Variants in PCDH15 observed in about 807,000 individuals in gnomAD.
The protein encoded by PCDH15 is protocadherin-15.
Under a neutral mutation model 178.5 loss-of-function variants are expected in PCDH15, and 129 were observed. The ratio of observed to expected loss-of-function variants is 0.72; its 90% CI spans 0.63 to 0.84. PCDH15 has a LOEUF of 0.84. Ranked by LOEUF, PCDH15 falls within the 40% of genes least tolerant of loss-of-function variation. The probability of loss-of-function intolerance (pLI) is 0.00; values close to 1 mark genes in which losing one functional copy is unlikely to be tolerated. For missense variants in PCDH15, 2,230 were observed against 2,099.9 expected (o/e 1.06, Z -1.21); for synonymous variants, 800 against 732.0 (o/e 1.09, Z -1.50).
chr10:54,103,811 C>A (rs2094857726), intron 15 of PCDH15, among the ~76,000 whole-genome samples: 1 of 152,126 alleles, frequency 6.6e-6, no homozygotes, highest in South Asian at 2.1e-4. Context: ...TTGGTGGGCC[C>A]AGATCAATAA....
chr10:54,669,833 ACT>A lies in PCDH15; in HGVS notation c.-28-5545_-28-5544del, dbSNP rs2094629899. On this transcript the variant is annotated intron_variant, in intron 1 of 37. Transcript: ENST00000644397. ...TTTGGGAGGTTGGGGAGCATAGATAACTCGAGATCAGGAGTTCCAGACCAGCC... is the reference window on the plus strand; with the variant it reads ...TTTGGGAGGTTGGGGAGCATAGATAACGAGATCAGGAGTTCCAGACCAGCC... Among the ~76,000 whole-genome samples the A allele has an allele frequency of 4.6e-5, 7 of 151,618 alleles. No individual in the cohort carries two copies. The Admixed American group carries it at 4.6e-4, about 10-fold the overall frequency.
intron 14 of PCDH15, among the ~76,000 whole-genome samples, chr10:54,140,320 G>T (rs72797057): frequency 0.17 from 26,549 of 151,974 alleles, 2,605 homozygotes; most frequent in Admixed American, 0.21. Flanking sequence ...ATGTATAGTG[G>T]TACTGCTGGA....
intron 3 of PCDH15, among the ~76,000 whole-genome samples, chr10:54,400,675 G>A (rs1289931885): frequency 6.6e-6 from 1 of 152,072 alleles, no homozygotes; most frequent in Non-Finnish European, 1.5e-5. Context: ...TTCTTGCACA[G>A]TGACAGTTAA....
chr10:54,907,667 T>A (rs1380336856), intron 2 of PCDH15, among the ~76,000 whole-genome samples: 2 of 152,172 alleles, frequency 1.3e-5, no homozygotes, highest in African/African-American at 4.8e-5. Context: ...TTATCCTCTT[T>A]GCTCCCCAAA....
At chr10:55,149,450 A>G (rs11516686) in intron 2 of PCDH15, among the ~76,000 whole-genome samples, 11,829 of 152,048 alleles carry the variant, frequency 0.078, 1,131 homozygotes, top group East Asian at 0.22. Flanking sequence ...AGAATACAAC[A>G]GTAAAGTAAA....
intron 23 of PCDH15, among the ~76,000 whole-genome samples, chr10:53,947,653 A>T (rs558173095): frequency 2.0e-5 from 3 of 152,266 alleles, no homozygotes; most frequent in East Asian, 3.9e-4. Context: ...AAAACAGTTT[A>T]AAAAAGACAT....
chr10:55,100,290 A>G (rs1247311559), intron 2 of PCDH15, among the ~76,000 whole-genome samples: 1 of 152,146 alleles, frequency 6.6e-6, no homozygotes, highest in East Asian at 1.9e-4. Flanking sequence ...TTAAATTGAA[A>G]GCTTTCTTTA....
intron 1 of PCDH15, among the ~76,000 whole-genome samples, chr10:54,763,733 C>T (rs1948169550): frequency 1.4e-5 from 2 of 145,888 alleles, no homozygotes; most frequent in Admixed American, 7.0e-5. Flanking sequence ...TTTATGGATA[C>T]ATAAGAGTTG....
Position 54,609,915 on chromosome 10 carries a change from A to G in PCDH15, c.91+54257T>C, listed in dbSNP as rs549570411. ...TTAACACTTTATATGCAGTTCAATT[A>G]TGTTCATATATTTATGTCATTAAAA... is the stretch of plus-strand genomic sequence containing the variant. On this transcript the variant is annotated intron_variant, in intron 2 of 37. Transcript: ENST00000644397. 2.6e-3 allele frequency among the ~76,000 whole-genome samples: 400 copies of G among 152,140 alleles called. 2 individuals are homozygous for G. Among genetic ancestry groups the G allele is most frequent in the African/African-American group, 9.0e-3 (373 of 41,574 alleles).
At chr10:54,636,358 A>G (rs1216862316) in intron 2 of PCDH15, among the ~76,000 whole-genome samples, 1 of 151,922 alleles carries the variant, frequency 6.6e-6, no homozygotes, top group African/African-American at 2.4e-5. Flanking sequence ...CTTTACCCTC[A>G]GAGATAATCA....
At chr10:55,287,694 TTTTAATTTTC>T (rs1266339568) in intron 1 of PCDH15, among the ~76,000 whole-genome samples, 1 of 152,018 alleles carries the variant, frequency 6.6e-6, no homozygotes, top group African/African-American at 2.4e-5. Context: ...TATGTGTGTG[TTTTAATTTTC>T]TTTAATTTTC....
At chr10:54,620,890 C>T (rs2093330716) in intron 2 of PCDH15, among the ~76,000 whole-genome samples, 2 of 151,876 alleles carry the variant, frequency 1.3e-5, no homozygotes, top group Non-Finnish European at 2.9e-5. Flanking sequence ...AACACTCTAC[C>T]ATGCTTTCCT....
chr10:55,481,450 A>G (rs1033219823), intron 2 of PCDH15, among the ~76,000 whole-genome samples: 1 of 151,236 alleles, frequency 6.6e-6, no homozygotes, highest in Non-Finnish European at 1.5e-5. Flanking sequence ...ATATCTTTCT[A>G]ACTTTTTGAT....
chr10:54,982,558 C>A (rs536328673), intron 2 of PCDH15, among the ~76,000 whole-genome samples: 1 of 152,082 alleles, frequency 6.6e-6, no homozygotes, highest in East Asian at 1.9e-4. Flanking sequence ...GATTAAAATT[C>A]AGGTTCACCT....
intron 15 of PCDH15, among the ~76,000 whole-genome samples, chr10:54,131,967 C>T (rs1422703693): frequency 5.3e-5 from 8 of 152,114 alleles, no homozygotes; most frequent in African/African-American, 9.7e-5. Flanking sequence ...CCTTATGTCA[C>T]GTCAGCTGAT....
At chr10:55,327,484 C>G (rs2132306284) in intron 2 of PCDH15, among the ~76,000 whole-genome samples, 1 of 152,082 alleles carries the variant, frequency 6.6e-6, no homozygotes, top group East Asian at 1.9e-4. Flanking sequence ...ATACTAAAGG[C>G]AAGTTTAACA....
intron 9 of PCDH15, among the ~76,000 whole-genome samples, chr10:54,231,909 T>C (rs1232594098): frequency 2.6e-5 from 4 of 152,208 alleles, no homozygotes; most frequent in Non-Finnish European, 5.9e-5. Flanking sequence ...TGTAAGTTTT[T>C]TCAGGCTCAT....
At chr10:54,945,356 G>GATAT (rs1293560432) in intron 2 of PCDH15, among the ~76,000 whole-genome samples, 1 of 109,286 alleles carries the variant, frequency 9.2e-6, no homozygotes, top group Non-Finnish European at 2.3e-5. Flanking sequence ...ATAGATGATA[G>GATAT]ATAGATATAT....
intron 1 of PCDH15, among the ~76,000 whole-genome samples, chr10:54,703,214 G>A (rs1241676139): frequency 6.6e-6 from 1 of 151,942 alleles, no homozygotes; most frequent in Non-Finnish European, 1.5e-5. Context: ...ATAAGGCATT[G>A]AGTAAACATA....
Sources: gnomAD v4.1 joint callset for allele counts (sites outside exome capture counted in the v4.1 genomes callset) on GRCh38, gnomAD v4.1.1 for gene constraint, MANE v1.5 for transcripts, NCBI Gene and HGNC (gene_info 2026-07-23, HGNC 2026-07-21) for gene names.